Variants in MLEC observed in about 807,000 individuals in gnomAD.
The protein encoded by MLEC is oligosaccharyltransferase complex subunit (non-catalytic).
In MLEC, 7 loss-of-function variants were observed where a neutral mutation model predicts 28.7. The ratio of observed to expected loss-of-function variants is 0.24; its 90% CI spans 0.14 to 0.46. MLEC has a LOEUF of 0.46. Among genes scored for constraint, MLEC ranks in the 20% least tolerant of loss-of-function variants. The pLI, the probability that MLEC is intolerant of heterozygous loss-of-function variation, is 0.99. For missense variants in MLEC, 237 were observed against 391.1 expected (o/e 0.61, Z 3.32); for synonymous variants, 142 against 164.4 (o/e 0.86, Z 1.04).
rs542896186 is a variant in MLEC, at chr12:120,688,256, C to T, written c.235+725C>T. Among the ~76,000 whole-genome samples, 3 of 152,340 alleles carry T rather than the reference C, an allele frequency of 2.0e-5. No individual in the cohort carries two copies. In the South Asian group the frequency reaches 6.2e-4, roughly 32 times the overall value. Reference sequence around the variant, plus strand: ...CAGCTTAGGGGGAAAATGATTGTGACTTAACTTGCTGGGCAACAGTGGTTT... The same window carrying T: ...CAGCTTAGGGGGAAAATGATTGTGATTTAACTTGCTGGGCAACAGTGGTTT... On this transcript the variant is annotated intron_variant, in intron 1 of 4. Transcript: ENST00000228506.
rs1566015535 is a variant in MLEC at position 120,698,318 on chromosome 12, C to T, written c.*1773C>T. ...GGGTTTTGGCTCTTTAATGATTACT[C>T]CAGGCCAGCATTTAGTCGTTTGAGA... On this transcript the variant is annotated 3_prime_UTR_variant, in exon 5 of 5. Coordinates refer to ENST00000228506, the MANE Select transcript of MLEC (RefSeq NM_014730.4). The T allele has an allele frequency of 1.3e-5, 2 of 152,162 alleles. No homozygotes were observed. Among genetic ancestry groups the T allele is most frequent in the Non-Finnish European group, 2.9e-5 (2 of 68,060 alleles). 9.4% of individuals were successfully genotyped at this position (152,162 alleles called of 1,614,324 possible).
intron 1 of MLEC, among the ~76,000 whole-genome samples, chr12:120,692,081 C>T (rs1265240565): frequency 6.6e-6 from 1 of 152,044 alleles, no homozygotes; most frequent in African/African-American, 2.4e-5. Context: ...AATCGCTTGA[C>T]CCTGGGAGGT....
At chr12:120,689,640 G>A (rs1056092970) in intron 1 of MLEC, among the ~76,000 whole-genome samples, 4 of 152,248 alleles carry the variant, frequency 2.6e-5, no homozygotes, top group African/African-American at 9.6e-5. Flanking sequence ...TAAGGAGTCA[G>A]TCCTACCAAG....
chr12:120,698,960 G>A lies in MLEC; in HGVS notation c.*2415G>A. Reference sequence around the variant, plus strand: ...GAGGAAACAGGAAGAAGTATGGTGGGGGCTGGGGTAGACTCCCCTGGAGCC... The same window carrying A: ...GAGGAAACAGGAAGAAGTATGGTGGAGGCTGGGGTAGACTCCCCTGGAGCC... On this transcript the variant is annotated 3_prime_UTR_variant, in exon 5 of 5. Transcript: ENST00000228506. 1 of 152,698 alleles carries A rather than the reference G, an allele frequency of 6.5e-6. No individual in the cohort carries two copies. 9.5% of individuals were successfully genotyped at this position (152,698 alleles called of 1,614,324 possible).
intron 1 of MLEC, among the ~76,000 whole-genome samples, chr12:120,691,062 G>A (rs1394162264): frequency 6.6e-6 from 1 of 152,232 alleles, no homozygotes. Context: ...AGTGACGCTA[G>A]AGCACCAAGG....
chr12:120,694,194 G>A lies in MLEC; in HGVS notation c.339G>A (p.Val113=). The change falls in exon 2 of 5, where the codon GTG becomes GTA. Residue 113 remains valine, a synonymous_variant. Transcript: ENST00000228506. This position sits in a 1 kb window ranked among gnomAD's most constrained non-coding sequence, Gnocchi z 4.5. ...RYNEETFGYE[V]PIKEEGDYVL... Reference sequence around the variant, plus strand: ...ATGAGGAGACCTTTGGCTACGAAGTGCCCATCAAAGAGGAGGGGGACTACG... The same window carrying A: ...ATGAGGAGACCTTTGGCTACGAAGTACCCATCAAAGAGGAGGGGGACTACG... 6.2e-7 allele frequency: 1 copy of A among 1,614,174 alleles called. No homozygotes were observed. Among genetic ancestry groups the A allele is most frequent in the Non-Finnish European group, 8.5e-7 (1 of 1,180,028 alleles).
chr12:120,690,196 C>CA (rs996658451), intron 1 of MLEC, among the ~76,000 whole-genome samples: 1 of 151,822 alleles, frequency 6.6e-6, no homozygotes, highest in African/African-American at 2.4e-5. Context: ...TTATTGTAGA[C>CA]ACAGGGGTCT....
At chr12:120,691,781 T>C (rs1882044879) in intron 1 of MLEC, among the ~76,000 whole-genome samples, 1 of 152,152 alleles carries the variant, frequency 6.6e-6, no homozygotes, top group Non-Finnish European at 1.5e-5. Flanking sequence ...TTTGTTCACA[T>C]GGTTGAGTTT....
rs1383897186 is a variant in MLEC at position 120,698,182 on chromosome 12, C to G, written c.*1637C>G. 6.6e-6 allele frequency: 1 copy of G among 152,160 alleles called. No individual in the cohort carries two copies. Among genetic ancestry groups the G allele is most frequent in the East Asian group, 1.9e-4 (1 of 5,196 alleles). The allele number at this position is 152,160 out of a possible 1,614,324, so 9.4% of individuals were successfully genotyped here. Reference sequence around the variant, plus strand: ...AGGATCTCAGGCCAGGCCCGCTTTTCTAGAATGTGTTTAATTTTGAGTTTG... The same window carrying G: ...AGGATCTCAGGCCAGGCCCGCTTTTGTAGAATGTGTTTAATTTTGAGTTTG... On this transcript the variant is annotated 3_prime_UTR_variant, in exon 5 of 5. Coordinates refer to ENST00000228506, the MANE Select transcript of MLEC (RefSeq NM_014730.4).
chr12:120,694,354 AGT>A lies in MLEC; in HGVS notation c.414+86_414+87del. 1 of 1,401,130 alleles carries A rather than the reference AGT, an allele frequency of 7.1e-7. No homozygotes were observed. The highest frequency in any genetic ancestry group is 9.8e-7 in the Non-Finnish European group (1 of 1,019,174). 86.8% of individuals were successfully genotyped at this position (1,401,130 alleles called of 1,614,324 possible). A position where few individuals can be genotyped will look rare whatever the true frequency, so the allele number is the denominator to read the frequency against. Reference sequence around the variant, plus strand: ...CGATTATGGGGCTAGAGAGTGTGAGAGTCTCTCCAGAAAGGCAGAACAGATGA... The same window carrying A: ...CGATTATGGGGCTAGAGAGTGTGAGACTCTCCAGAAAGGCAGAACAGATGA... On this transcript the variant is annotated intron_variant, in intron 2 of 4. Coordinates refer to ENST00000228506, the MANE Select transcript of MLEC (RefSeq NM_014730.4). The surrounding 1 kb of genome is among the most constrained non-coding windows in gnomAD (Gnocchi z 4.5).
intron 1 of MLEC, among the ~76,000 whole-genome samples, chr12:120,693,816 A>G (rs1053471959): frequency 6.6e-6 from 1 of 152,226 alleles, no homozygotes; most frequent in African/African-American, 2.4e-5. Context: ...GGAAAAAGTC[A>G]TTTTAATGTG....
In MLEC at chr12:120,687,610, G is replaced by A; in HGVS notation, c.235+79G>A. ...GCCGGCCGGGGGCTGCGGGCCCCGA[G>A]CCCCTTTCGACCCTGGGGCCGCGTC... On this transcript the variant is annotated intron_variant, in intron 1 of 4. Coordinates refer to ENST00000228506, the MANE Select transcript of MLEC (RefSeq NM_014730.4). This position sits in a 1 kb window ranked among gnomAD's most constrained non-coding sequence, Gnocchi z 8.1. 4 of 1,193,034 alleles carry A rather than the reference G, an allele frequency of 3.4e-6. No homozygotes were observed. The highest frequency in any genetic ancestry group is 3.0e-4 in the Middle Eastern group (1 of 3,332). The allele number at this position is 1,193,034 out of a possible 1,614,324, so 73.9% of individuals were successfully genotyped here.
In MLEC at chr12:120,696,163, T is replaced by C. The variant is rs1882222546; in HGVS notation, c.650-153T>C. On this transcript the variant is annotated intron_variant, in intron 4 of 4. Transcript: ENST00000228506. This position sits in a 1 kb window ranked among gnomAD's most constrained non-coding sequence, Gnocchi z 5.4. Reference sequence around the variant, plus strand: ...AAGCTTTTGCAGCACTCTGCTGTTCTGTAGACCAGAGGCTATTTCTGCTAC... The same window carrying C: ...AAGCTTTTGCAGCACTCTGCTGTTCCGTAGACCAGAGGCTATTTCTGCTAC... Among the ~76,000 whole-genome samples, 1 of 152,236 alleles carries C rather than the reference T, an allele frequency of 6.6e-6. No individual in the cohort carries two copies. The highest frequency in any genetic ancestry group is 6.5e-5 in the Admixed American group (1 of 15,290).
At position 120,694,671 on chromosome 12, in the gene MLEC, C is replaced by T. The variant is rs958483151; in HGVS notation, c.415-153C>T. On this transcript the variant is annotated intron_variant, in intron 2 of 4. Transcript: ENST00000228506. The surrounding 1 kb of genome is among the most constrained non-coding windows in gnomAD (Gnocchi z 4.5). ...GAAGGAACACGGCTTTGATTTGACCCGGGTTAAGGATGCTAACCACCCTGG... is the reference window on the plus strand; with the variant it reads ...GAAGGAACACGGCTTTGATTTGACCTGGGTTAAGGATGCTAACCACCCTGG... 3.3e-5 allele frequency among the ~76,000 whole-genome samples: 5 copies of T among 152,096 alleles called. No individual in the cohort carries two copies. Among genetic ancestry groups the T allele is most frequent in the African/African-American group, 9.7e-5 (4 of 41,386 alleles).
intron 1 of MLEC, among the ~76,000 whole-genome samples, chr12:120,689,445 A>G (rs1335446030): frequency 6.6e-6 from 1 of 152,190 alleles, no homozygotes; most frequent in Non-Finnish European, 1.5e-5. Context: ...CATTCTACCA[A>G]TCTGGGTAAG....
chr12:120,697,399 A>G lies in MLEC; in HGVS notation c.*854A>G, dbSNP rs1882281573. The G allele has an allele frequency of 6.6e-6, 1 of 152,646 alleles. No homozygotes were observed. Among genetic ancestry groups the G allele is most frequent in the Admixed American group, 6.5e-5 (1 of 15,286 alleles). 9.5% of individuals were successfully genotyped at this position (152,646 alleles called of 1,614,324 possible). ...CTAAGTTATAGCCAAGAAGGGAAGG[A>G]GACACGGGGATTTGGGGTTCTCTGC... On this transcript the variant is annotated 3_prime_UTR_variant, in exon 5 of 5. Transcript: ENST00000228506. The surrounding 1 kb of genome is among the most constrained non-coding windows in gnomAD (Gnocchi z 4.8).
chr12:120,687,506 C>G lies in MLEC; in HGVS notation c.210C>G (p.Asp70Glu). The change falls in exon 1 of 5, where the codon GAC (aspartate) becomes GAG (glutamate). Residue 70 changes from aspartate (D) to glutamate (E), a missense_variant. Coordinates refer to ENST00000228506, the MANE Select transcript of MLEC (RefSeq NM_014730.4). This position sits in a 1 kb window ranked among gnomAD's most constrained non-coding sequence, Gnocchi z 8.1. ...VDVHGIHFRK[D>E]PLEGRVGRAS... ...TGCACGGGATCCACTTCCGCAAGGA[C>G]CCTTTGGAAGGCCGGGTGGGCCGAG... The G allele has an allele frequency of 6.7e-7, 1 of 1,484,740 alleles. No individual in the cohort carries two copies. The highest frequency in any genetic ancestry group is 8.9e-7 in the Non-Finnish European group (1 of 1,118,074). The allele number at this position is 1,484,740 out of a possible 1,614,324, so 92.0% of individuals were successfully genotyped here. A position where few individuals can be genotyped will look rare whatever the true frequency, so the allele number is the denominator to read the frequency against.
rs1044362294 is a variant in MLEC, at chr12:120,699,747, CTG to C, written c.*3204_*3205del. On this transcript the variant is annotated 3_prime_UTR_variant, in exon 5 of 5. Transcript: ENST00000228506. Reference sequence around the variant, plus strand: ...AGACTAGCCCTGCCCACAGGGCCACCTGTTGGTTTGAGAGCGTGTTCGTGTTC... The same window carrying C: ...AGACTAGCCCTGCCCACAGGGCCACCTTGGTTTGAGAGCGTGTTCGTGTTC... The C allele has an allele frequency of 6.6e-6, 1 of 152,608 alleles. No individual in the cohort carries two copies. The highest frequency in any genetic ancestry group is 2.4e-5 in the African/African-American group (1 of 41,460). The allele number at this position is 152,608 out of a possible 1,614,324, so 9.5% of individuals were successfully genotyped here.
At position 120,687,495 on chromosome 12, in the gene MLEC, T is replaced by G; in HGVS notation, c.199T>G (p.Phe67Val). 1 of 1,460,074 alleles carries G rather than the reference T, an allele frequency of 6.8e-7. No homozygotes were observed. Among genetic ancestry groups the G allele is most frequent in the Non-Finnish European group, 9.0e-7 (1 of 1,106,660 alleles). 90.4% of individuals were successfully genotyped at this position (1,460,074 alleles called of 1,614,324 possible). A position where few individuals can be genotyped will look rare whatever the true frequency, so the allele number is the denominator to read the frequency against. Reference protein sequence around the residue: ...EAHVDVHGIHFRKDPLEGRVG... With the variant: ...EAHVDVHGIHVRKDPLEGRVG... ...GCATGTGGACGTGCACGGGATCCACTTCCGCAAGGACCCTTTGGAAGGCCG... is the reference window on the plus strand; with the variant it reads ...GCATGTGGACGTGCACGGGATCCACGTCCGCAAGGACCCTTTGGAAGGCCG... The change falls in exon 1 of 5, where the codon TTC becomes GTC. Residue 67 changes from phenylalanine (F) to valine (V), a missense_variant. Transcript: ENST00000228506. The surrounding 1 kb of genome is among the most constrained non-coding windows in gnomAD (Gnocchi z 8.1).
Sources: allele counts gnomAD v4.1 joint callset (sites outside exome capture counted in the v4.1 genomes callset), GRCh38; gene constraint gnomAD v4.1.1; non-coding constraint Gnocchi (gnomAD v3.1); transcripts MANE v1.5; gene names NCBI Gene and HGNC (gene_info 2026-07-23, HGNC 2026-07-21).